NGEF: variants seen among roughly 807,000 people sequenced by gnomAD.
NGEF encodes the protein neuronal guanine nucleotide exchange factor, also known as ephexin-1.
NGEF carries 31 observed loss-of-function variants against 80.9 expected under a neutral mutation model. That is an observed-to-expected ratio of 0.38 (90% CI 0.29 to 0.52). The LOEUF (loss-of-function observed/expected upper bound fraction) is 0.52. NGEF is among the 20% of genes least tolerant of loss of function. The pLI is 0.84. For synonymous variants in NGEF, 371 were observed against 370.2 expected (o/e 1.00, Z -0.03); for missense variants, 709 against 926.2 (o/e 0.77, Z 3.04).
intron 1 of NGEF, 79 bp from the exon 2 acceptor site, chr2:232,975,043 T>C (rs551869178): frequency 2.8e-5 from 20 of 706,486 alleles, no homozygotes; most frequent in Non-Finnish European, 4.1e-5. Flanking sequence ...TCCACTCCCA[T>C]TCGAATTTGA....
chr2:232,964,500 C>T (rs1196758935), intron 3 of NGEF, among the ~76,000 whole-genome samples: 1 of 152,138 alleles, frequency 6.6e-6, no homozygotes, highest in Non-Finnish European at 1.5e-5. Context: ...CGAGACCAGC[C>T]TGGCCAATAT....
intron 1 of NGEF, among the ~76,000 whole-genome samples, chr2:233,001,595 G>A (rs1056078653): frequency 7.2e-5 from 11 of 152,324 alleles, no homozygotes; most frequent in Non-Finnish European, 1.5e-4. Context: ...GAGGTCGTGC[G>A]GGCCATGGGG....
At chr2:232,900,931 TGGTGACGTCCGGC>T (rs1419938761) in intron 5 of NGEF, among the ~76,000 whole-genome samples, 1 of 152,060 alleles carries the variant, frequency 6.6e-6, no homozygotes, top group Non-Finnish European at 1.5e-5. Context: ...TGCTCTGGGG[TGGTGACGTCCGGC>T]GGCCTCAGAT....
chr2:232,895,643 G>A (rs1692031285), intron 5 of NGEF, among the ~76,000 whole-genome samples: 1 of 152,066 alleles, frequency 6.6e-6, no homozygotes, highest in Non-Finnish European at 1.5e-5. Flanking sequence ...GAGGAATCCT[G>A]TTCCTCCACG....
intron 3 of NGEF, chr2:232,928,011 C>A (rs1190667747): frequency 2.2e-6 from 2 of 907,630 alleles, no homozygotes; most frequent in African/African-American, 1.9e-5. Context: ...GGGTCGGCGG[C>A]GGGGCGGGTG....
chr2:232,898,975 T>A (rs757430643), intron 5 of NGEF, among the ~76,000 whole-genome samples: 10 of 149,742 alleles, frequency 6.7e-5, no homozygotes, highest in Non-Finnish European at 8.8e-5. Context: ...TGAATGCATG[T>A]GTGTGTGTGA....
rs551170542 is a variant in NGEF, at chr2:232,986,271, A to C, written c.-74-11307T>G. Reference sequence around the variant, plus strand: ...TTGTGTGCTGGTGGTAGGAACGTAAATTGGAACAGCTATTATGGAAAACAG... The same window carrying C: ...TTGTGTGCTGGTGGTAGGAACGTAACTTGGAACAGCTATTATGGAAAACAG... On this transcript the variant is annotated intron_variant, in intron 1 of 14. Coordinates refer to ENST00000264051, the MANE Select transcript of NGEF (RefSeq NM_019850.3). Among the ~76,000 whole-genome samples the C allele has an allele frequency of 2.0e-5, 3 of 152,230 alleles. No homozygotes were observed. The South Asian group carries it at 6.2e-4, about 31-fold the overall frequency.
At chr2:232,979,359 C>T (rs1694360666) in intron 1 of NGEF, among the ~76,000 whole-genome samples, 1 of 52,450 alleles carries the variant, frequency 1.9e-5, no homozygotes. Context: ...GATGATTTTA[C>T]ACACACACAC....
intron 3 of NGEF, among the ~76,000 whole-genome samples, chr2:232,968,093 C>CTTTTTTTTT (rs1274944227): frequency 1.8e-4 from 23 of 125,798 alleles, no homozygotes; most frequent in African/African-American, 7.1e-4. Flanking sequence ...ACAGACCTGG[C>CTTTTTTTTT]TTTTTTTTTT....
rs536344201 is a variant in NGEF, at chr2:232,940,786, G to A, written c.384-13600C>T. 9.1e-4 allele frequency among the ~76,000 whole-genome samples: 139 copies of A among 152,206 alleles called. 2 individuals carry two copies. The South Asian group carries it at 0.021, about 23-fold the overall frequency. On this transcript the variant is annotated intron_variant, in intron 3 of 14. Transcript: ENST00000264051. ...GACTTTTATATGTGGAATTTTAAGCGTGTGTATATACTTTTTAAAGGACTA... is the reference window on the plus strand; with the variant it reads ...GACTTTTATATGTGGAATTTTAAGCATGTGTATATACTTTTTAAAGGACTA...
intron 3 of NGEF, among the ~76,000 whole-genome samples, chr2:232,946,527 C>A (rs973325957): frequency 2.0e-5 from 3 of 152,340 alleles, no homozygotes; most frequent in Admixed American, 6.5e-5. Flanking sequence ...TGTGAACTCA[C>A]ACGCACACAT....
intron 1 of NGEF, among the ~76,000 whole-genome samples, chr2:232,993,367 G>A (rs1694713360): frequency 6.6e-6 from 1 of 151,096 alleles, no homozygotes; most frequent in Admixed American, 6.7e-5. Flanking sequence ...GCCACAATGA[G>A]ATATCACTTT....
rs1221829887 is a variant in NGEF, at chr2:233,013,111, G to A, written c.-118C>T. ...TAGGAGTTGGGCTTCCTCAGAGAGT[G>A]TTCCTCCCTCGTCCCCTGTCCTGTC... On this transcript the variant is annotated 5_prime_UTR_variant, in exon 1 of 15. Coordinates refer to ENST00000264051, the MANE Select transcript of NGEF (RefSeq NM_019850.3). The A allele has an allele frequency of 2.1e-6, 1 of 471,248 alleles. No individual in the cohort carries two copies. The highest frequency in any genetic ancestry group is 6.9e-5 in the East Asian group (1 of 14,398). 29.2% of individuals were successfully genotyped at this position (471,248 alleles called of 1,614,324 possible).
At chr2:232,996,264 G>A (rs1445930449) in intron 1 of NGEF, among the ~76,000 whole-genome samples, 2 of 152,058 alleles carry the variant, frequency 1.3e-5, no homozygotes, top group Non-Finnish European at 2.9e-5. Context: ...GGAGGCAGAG[G>A]TTGCAATGAG....
chr2:232,884,761 G>T (rs1023879445), intron 10 of NGEF, among the ~76,000 whole-genome samples: 3 of 152,232 alleles, frequency 2.0e-5, no homozygotes, highest in African/African-American at 7.2e-5. Context: ...GCCTCCTCTA[G>T]TGGGGCTCAG....
intron 3 of NGEF, among the ~76,000 whole-genome samples, chr2:232,960,708 A>G (rs1365862544): frequency 1.3e-5 from 2 of 152,194 alleles, no homozygotes; most frequent in Non-Finnish European, 2.9e-5. Flanking sequence ...GTGAAACCCC[A>G]TCTCTACTAA....
In NGEF at chr2:232,891,433, C is replaced by A. The variant is rs1246084414; in HGVS notation, c.1197G>T (p.Lys399Asn). Residue 399 changes from lysine to asparagine, a missense_variant, in exon 8 of 15, where the codon AAG (lysine) becomes AAT (asparagine). By Grantham distance (94) the Lys-to-Asn change is moderately conservative. Transcript: ENST00000264051. ...AGGAGGAGAAGGGCAGCCCCCTGCA[C>A]TTGGGGTCGAGCTCTAGCTGCGCGA... ...ELIAQLELDP[K>N]CRGLPFSSFL... 2 of 1,613,456 alleles carry A rather than the reference C, an allele frequency of 1.2e-6. No individual in the cohort carries two copies. The highest frequency in any genetic ancestry group is 2.2e-5 in the East Asian group (1 of 44,876).
At chr2:232,993,711 A>G (rs981006547) in intron 1 of NGEF, among the ~76,000 whole-genome samples, 1 of 152,244 alleles carries the variant, frequency 6.6e-6, no homozygotes, top group African/African-American at 2.4e-5. Context: ...AAGGTGATCT[A>G]TCCTTACAGT....
chr2:232,902,823 T>C (rs930865298), intron 5 of NGEF, among the ~76,000 whole-genome samples: 1 of 152,022 alleles, frequency 6.6e-6, no homozygotes, highest in Non-Finnish European at 1.5e-5. Flanking sequence ...TGAAACCCCG[T>C]CTCTACTAAA....
Sources: allele counts gnomAD v4.1 joint callset (sites outside exome capture counted in the v4.1 genomes callset), GRCh38; gene constraint gnomAD v4.1.1; transcripts MANE v1.5; gene names NCBI Gene and HGNC (gene_info 2026-07-23, HGNC 2026-07-21).